ADAMTS16: variants seen among roughly 807,000 people sequenced by gnomAD.
The protein encoded by ADAMTS16 is ADAM metallopeptidase with thrombospondin type 1 motif 16, also known as A disintegrin and metalloproteinase with thrombospondin motifs 16.
A neutral mutation model predicts 145.8 loss-of-function variants in ADAMTS16; 94 were observed. The observed-to-expected ratio is 0.64, with a 90% CI of 0.55 to 0.77. The LOEUF (loss-of-function observed/expected upper bound fraction) is 0.77, where lower values mean the gene tolerates loss of function less well. ADAMTS16 is among the 30% of genes least tolerant of loss of function. ADAMTS16 has a pLI of 0.00. For missense variants in ADAMTS16, 1,585 were observed against 1,591.5 expected (o/e 1.00, Z 0.07); for synonymous variants, 659 against 604.3 (o/e 1.09, Z -1.33).
intron 17 of ADAMTS16, among the ~76,000 whole-genome samples, chr5:5,254,801 T>C (rs893163571): frequency 2.0e-5 from 3 of 152,168 alleles, no homozygotes; most frequent in Non-Finnish European, 4.4e-5. Context: ...TCTTAATTTA[T>C]TTAGTATTTC....
rs535557499 is a variant in ADAMTS16 at position 5,205,417 on chromosome 5, A to AT, written c.1452-3671dup. Among the ~76,000 whole-genome samples the AT allele has an allele frequency of 1.2e-3, 177 of 152,238 alleles. 1 individual carries two copies. The highest frequency in any genetic ancestry group is 4.0e-3 in the African/African-American group (168 of 41,540). ...TTGCTTATCACATGTAGACCACTTA[A>AT]TTTTTGTATATGGCATGCAAAAAGT... On this transcript the variant is annotated intron_variant, in intron 9 of 22. Transcript: ENST00000274181.
intron 11 of ADAMTS16, among the ~76,000 whole-genome samples, chr5:5,224,938 T>C (rs1736716491): frequency 6.6e-6 from 1 of 152,158 alleles, no homozygotes; most frequent in African/African-American, 2.4e-5. Context: ...ACATTTTATT[T>C]ATCTCAAAGG....
In ADAMTS16 at chr5:5,140,343, G is replaced by A. The variant is rs1469582747; in HGVS notation, c.-125G>A. On this transcript the variant is annotated 5_prime_UTR_variant, in exon 1 of 23. Coordinates refer to ENST00000274181, the MANE Select transcript of ADAMTS16 (RefSeq NM_139056.4). ...GCACGGAGCTTCAGTAATAACCCCG[G>A]CGCGGCGGCGGAGTCGCTGTGGGGA... is the stretch of plus-strand genomic sequence containing the variant. 2.0e-6 allele frequency: 2 copies of A among 978,418 alleles called. No individual in the cohort carries two copies. The highest frequency in any genetic ancestry group is 3.5e-5 in the African/African-American group (2 of 57,408). The allele number at this position is 978,418 out of a possible 1,614,324, so 60.6% of individuals were successfully genotyped here.
At chr5:5,147,071 G>C (rs1820659) in intron 3 of ADAMTS16, among the ~76,000 whole-genome samples, 14,783 of 152,160 alleles carry the variant, frequency 0.097, 729 homozygotes, top group Middle Eastern at 0.15. Context: ...TTACAGGGAC[G>C]CTAGAGCCGG....
chr5:5,195,948 C>T (rs571643722), intron 8 of ADAMTS16, among the ~76,000 whole-genome samples: 64 of 152,110 alleles, frequency 4.2e-4, no homozygotes, highest in African/African-American at 1.3e-3. Flanking sequence ...AGCATTGGGC[C>T]GTGTGTGGTG....
intron 2 of ADAMTS16, among the ~76,000 whole-genome samples, chr5:5,143,357 G>A (rs142338015): frequency 2.0e-5 from 3 of 152,112 alleles, no homozygotes; most frequent in East Asian, 1.9e-4. Context: ...ACATTTATGC[G>A]GCCAACAAAC....
intron 8 of ADAMTS16, among the ~76,000 whole-genome samples, chr5:5,197,602 A>G (rs915291287): frequency 2.6e-5 from 4 of 152,250 alleles, no homozygotes; most frequent in African/African-American, 4.8e-5. Context: ...TTAAAGTACT[A>G]TGGTGCACAG....
chr5:5,149,248 A>T (rs16874868), intron 3 of ADAMTS16, among the ~76,000 whole-genome samples: 15,195 of 152,206 alleles, frequency 0.1, 868 homozygotes, highest in East Asian at 0.19. Context: ...AATTTTTGGA[A>T]AAAGGGTCCC....
At chr5:5,230,878 T>C (rs1355028921) in intron 11 of ADAMTS16, among the ~76,000 whole-genome samples, 2 of 152,224 alleles carry the variant, frequency 1.3e-5, no homozygotes, top group Non-Finnish European at 2.9e-5. Context: ...GGGCTTCGAA[T>C]CCTGTTCTTC....
chr5:5,303,111 G>A (rs745347357), intron 18 of ADAMTS16, among the ~76,000 whole-genome samples, 157 bp from the exon 19 acceptor site: 14 of 152,252 alleles, frequency 9.2e-5, no homozygotes, highest in Middle Eastern at 3.4e-3. Context: ...GGGAGACTCC[G>A]GTAGGAATGC....
intron 3 of ADAMTS16, chr5:5,175,985 G>T (rs938586649): frequency 3.3e-5 from 5 of 152,246 alleles, no homozygotes. Context: ...CATGTACTGT[G>T]GTTGCTTACC....
At chr5:5,258,722 C>A (rs150774082) in intron 17 of ADAMTS16, among the ~76,000 whole-genome samples, 1 of 152,118 alleles carries the variant, frequency 6.6e-6, no homozygotes, top group Admixed American at 6.5e-5. Flanking sequence ...GGCAGGGTCA[C>A]AGCATCACAG....
intron 4 of ADAMTS16, among the ~76,000 whole-genome samples, chr5:5,183,974 G>A (rs1054226934): frequency 2.6e-5 from 4 of 152,222 alleles, no homozygotes. Flanking sequence ...TGTAGGTGGA[G>A]GATATTGGTG....
intron 8 of ADAMTS16, among the ~76,000 whole-genome samples, chr5:5,197,136 T>C (rs1412752985): frequency 1.3e-5 from 2 of 152,314 alleles, no homozygotes; most frequent in South Asian, 2.1e-4. Flanking sequence ...CCAGATAACA[T>C]TGGCCCATGG....
chr5:5,288,997 C>A (rs1385609449), intron 18 of ADAMTS16, among the ~76,000 whole-genome samples: 1 of 152,134 alleles, frequency 6.6e-6, no homozygotes. Context: ...TGGGCTAATG[C>A]ATGTGAATGG....
chr5:5,246,390 A>G (rs1737440564), intron 17 of ADAMTS16, among the ~76,000 whole-genome samples: 1 of 152,186 alleles, frequency 6.6e-6, no homozygotes, highest in South Asian at 2.1e-4. Flanking sequence ...TTTTTCAATA[A>G]TATTCTCTTC....
chr5:5,187,742 A>G lies in ADAMTS16; in HGVS notation c.981A>G (p.Lys327=). 2.5e-6 allele frequency: 4 copies of G among 1,612,232 alleles called. No homozygotes were observed. Among genetic ancestry groups the G allele is most frequent in the Non-Finnish European group, 3.4e-6 (4 of 1,178,430 alleles). ...TILNMVSALF[K]DGTIGGNINI... ...TTTTTCAGGTATCTGCTTTATTCAA[A>G]GATGGAACAATAGGAGGAAACATCA... is the stretch of plus-strand genomic sequence containing the variant. The change falls in exon 6 of 23, where the codon AAA becomes AAG. Residue 327 remains lysine, a synonymous_variant. Coordinates refer to ENST00000274181, the MANE Select transcript of ADAMTS16 (RefSeq NM_139056.4).
intron 18 of ADAMTS16, among the ~76,000 whole-genome samples, chr5:5,293,468 G>C (rs999850138): frequency 3.3e-5 from 5 of 152,088 alleles, no homozygotes; most frequent in African/African-American, 9.7e-5. Context: ...TGCCATCCCT[G>C]CATCATGATG....
At chr5:5,183,962 C>A (rs747497407) in intron 4 of ADAMTS16, among the ~76,000 whole-genome samples, 7 of 152,206 alleles carry the variant, frequency 4.6e-5, no homozygotes, top group Non-Finnish European at 1.0e-4. Context: ...CAAACTGCCT[C>A]TTGTAGGTGG....
Sources: gnomAD v4.1 joint callset for allele counts (sites outside exome capture counted in the v4.1 genomes callset) on GRCh38, gnomAD v4.1.1 for gene constraint, MANE v1.5 for transcripts, NCBI Gene and HGNC (gene_info 2026-07-23, HGNC 2026-07-21) for gene names.